Variants in KPTN observed in about 807,000 individuals in gnomAD.
KPTN encodes the protein KICSTOR complex protein kaptin.
KPTN carries 36 observed loss-of-function variants against 52.6 expected under a neutral mutation model. The observed-to-expected ratio is 0.68, with a 90% CI of 0.52 to 0.90. The LOEUF (loss-of-function observed/expected upper bound fraction) is 0.90. Among genes scored for constraint, KPTN ranks in the 40% least tolerant of loss-of-function variants. KPTN has a pLI of 0.00. For missense variants in KPTN, 529 were observed against 576.2 expected (o/e 0.92, Z 0.84); for synonymous variants, 271 against 248.4 (o/e 1.09, Z -0.85).
chr19:47,476,825 A>C lies in KPTN; in HGVS notation c.977T>G (p.Val326Gly). 6.3e-7 allele frequency: 1 copy of C among 1,584,600 alleles called. No homozygotes were observed. Among genetic ancestry groups the C allele is most frequent in the Non-Finnish European group, 8.6e-7 (1 of 1,165,260 alleles). The change falls in exon 10 of 12, where the codon GTC (valine) becomes GGC (glycine). Residue 326 changes from valine to glycine, a missense_variant. By Grantham distance (109) the Val-to-Gly change is moderately radical (BLOSUM62 -3). Transcript: ENST00000338134. ...TDVDLDGRPE[V>G]LVATYGQELL... The stretch of plus-strand genomic sequence containing the variant: ...CACCTGTCCATAGGTGGCCACCAGG[A>C]CTTCTGGCCGCCCATCCAAATCCAC...
upstream of KPTN, among the ~76,000 whole-genome samples, chr19:47,484,995 C>T (rs76305423): frequency 5.4e-3 from 824 of 152,180 alleles, 5 homozygotes; most frequent in Non-Finnish European, 9.4e-3. Flanking sequence ...CCCCCTTGCC[C>T]GGCCTATAGT....
At chr19:47,477,644 G>A in intron 9 of KPTN, 62 bp downstream of exon 9, 2 of 1,260,340 alleles carry the variant, frequency 1.6e-6, no homozygotes, top group Non-Finnish European at 2.3e-6. Context: ...AGAATGACAA[G>A]GTTAGACCAC....
rs745487744 is a variant in KPTN, at chr19:47,484,032, G to A, written c.129C>T (p.Ala43=). ...GGAGGRGELL[A]ATLKGKVLGF... ...CGAGCACCTTGCCTTTAAGGGTGGC[G>A]GCCAGCAGCTCCCCGCGCCCGCCGG... is the stretch of plus-strand genomic sequence containing the variant. Residue 43 remains alanine (A), a synonymous_variant, in exon 1 of 12, where the codon GCC becomes GCT. Transcript: ENST00000338134. The A allele has an allele frequency of 2.5e-6, 4 of 1,612,286 alleles. No homozygotes were observed. The highest frequency in any genetic ancestry group is 1.3e-5 in the African/African-American group (1 of 75,052).
At chr19:47,477,032 T>C in intron 9 of KPTN, 94 bp from the exon 10 acceptor site, 1 of 1,312,474 alleles carries the variant, frequency 7.6e-7, no homozygotes, top group Non-Finnish European at 1.0e-6. Flanking sequence ...ACTGCTTCCC[T>C]TCTCAGGCCT....
intron 11 of KPTN, 106 bp from the exon 12 acceptor site, chr19:47,475,650 C>A: frequency 7.4e-7 from 1 of 1,347,926 alleles, no homozygotes; most frequent in South Asian, 1.3e-5. Context: ...GCTCGGCCCA[C>A]GTGGGAGGGC....
intron 8 of KPTN, among the ~76,000 whole-genome samples, chr19:47,478,119 G>C (rs761039204): frequency 9.2e-5 from 14 of 151,962 alleles, no homozygotes; most frequent in Non-Finnish European, 1.9e-4. Flanking sequence ...TGTGGGGACA[G>C]GTTCCAGGCT....
At chr19:47,483,708 G>A (rs1183993441) in intron 1 of KPTN, 124 bp from the exon 2 acceptor site, 2 of 890,186 alleles carry the variant, frequency 2.2e-6, no homozygotes, top group Non-Finnish European at 3.5e-6. Flanking sequence ...ACCATCACCT[G>A]ATCTCTGTTC....
At chr19:47,477,671 G>A (rs1245987008) in intron 9 of KPTN, 35 bp downstream of exon 9, 24 of 1,537,826 alleles carry the variant, frequency 1.6e-5, no homozygotes, top group Non-Finnish European at 2.2e-5. Flanking sequence ...AAGAAAGAAG[G>A]TTAGACCACA....
At chr19:47,479,004 G>A (rs561220630) in intron 8 of KPTN, among the ~76,000 whole-genome samples, 1 of 152,286 alleles carries the variant, frequency 6.6e-6, no homozygotes, top group African/African-American at 2.4e-5. Context: ...ATTCATCCAT[G>A]CAACCAAAAC....
intron 7 of KPTN, 139 bp from the exon 8 acceptor site, chr19:47,480,079 C>A: frequency 1.6e-6 from 1 of 644,204 alleles, no homozygotes; most frequent in East Asian, 2.8e-5. Flanking sequence ...ACCCTAGCCC[C>A]GCCCCCAATC....
rs748696444 is a variant in KPTN at position 47,483,889 on chromosome 19, C to A, written c.226+46G>T. 28 of 1,608,576 alleles carry A rather than the reference C, an allele frequency of 1.7e-5. No homozygotes were observed. In the South Asian group the frequency reaches 3.0e-4, roughly 17 times the overall value. On this transcript the variant is annotated intron_variant, in intron 1 of 11. Coordinates refer to ENST00000338134, the MANE Select transcript of KPTN (RefSeq NM_007059.4). ...GACAGAGCCTCAGAAGCCTTCTCAA[C>A]ACCACGTTCCAGGCCCCCGCCCCCC...
Position 47,480,338 on chromosome 19 carries a change from ACT to A in KPTN, c.667_668del (p.Ser223TrpfsTer49). On this transcript the variant is annotated frameshift_variant, in exon 7 of 12. Coordinates refer to ENST00000338134, the MANE Select transcript of KPTN (RefSeq NM_007059.4). LOFTEE classifies it high-confidence loss of function. ...CCACGTGGGCGACACGGACATAACC[ACT>A]CTGACAGCCCAGAGCTGAGAGGCGC... ...SRRLSALGCQ[S>X]GYVRVAHVDQ... 1 of 1,536,868 alleles carries A rather than the reference ACT, an allele frequency of 6.5e-7. No individual in the cohort carries two copies. The highest frequency in any genetic ancestry group is 8.8e-7 in the Non-Finnish European group (1 of 1,140,318).
At position 47,480,862 on chromosome 19, in the gene KPTN, C is replaced by T. The variant is rs199781618; in HGVS notation, c.526-29G>A. On this transcript the variant is annotated intron_variant, in intron 5 of 11. Transcript: ENST00000338134. ...GGGAAACCAAGACCCACCCCACCCCCGCTTAAGTCAGCCGTCAGCTTCACA... is the reference window on the plus strand; with the variant it reads ...GGGAAACCAAGACCCACCCCACCCCTGCTTAAGTCAGCCGTCAGCTTCACA... The T allele has an allele frequency of 6.2e-6, 10 of 1,613,558 alleles. No homozygotes were observed. In the East Asian group the frequency reaches 8.9e-5, roughly 14 times the overall value.
At chr19:47,482,637 C>G (rs538145537) in intron 4 of KPTN, among the ~76,000 whole-genome samples, 1 of 152,298 alleles carries the variant, frequency 6.6e-6, no homozygotes, top group African/African-American at 2.4e-5. Context: ...TGTTATATTA[C>G]ATTTGTGCTT....
At chr19:47,483,888 A>G (rs74597191) in intron 1 of KPTN, 47 bp downstream of exon 1, 9 of 1,608,592 alleles carry the variant, frequency 5.6e-6, no homozygotes, top group South Asian at 3.3e-5. Context: ...AGCCTTCTCA[A>G]CACCACGTTC....
intron 1 of KPTN, 75 bp from the exon 2 acceptor site, chr19:47,483,659 C>T: frequency 8.7e-7 from 1 of 1,154,098 alleles, no homozygotes; most frequent in Non-Finnish European, 1.3e-6. Context: ...TGAGCTCTGG[C>T]TACCGCAATG....
rs1489170746 is a variant in KPTN, at chr19:47,477,753, C to G, written c.816G>C (p.Glu272Asp). Residue 272 changes from glutamate to aspartate, a missense_variant, in exon 9 of 12, where the codon GAG becomes GAC. Glu to Asp is a conservative substitution (Grantham distance 45). Coordinates refer to ENST00000338134, the MANE Select transcript of KPTN (RefSeq NM_007059.4). ...KETKDRPLQDEYSVLVASMLE... is the reference protein window; with the variant it reads ...KETKDRPLQDDYSVLVASMLE... ...ACATGCTGGCCACGAGCACGCTGTA[C>G]TCATCTTGTAGTGGCCTGTCCTTGG... is the stretch of plus-strand genomic sequence containing the variant. The G allele has an allele frequency of 6.2e-7, 1 of 1,613,794 alleles. No homozygotes were observed. Among genetic ancestry groups the G allele is most frequent in the South Asian group, 1.1e-5 (1 of 91,082 alleles).
chr19:47,476,473 C>T (rs1967668463), intron 11 of KPTN, 59 bp downstream of exon 11: 2 of 1,457,076 alleles, frequency 1.4e-6, no homozygotes, highest in East Asian at 2.4e-5. Flanking sequence ...AGGAGGCCTG[C>T]ACCCCCTGCT....
rs1967719791 is a variant in KPTN, at chr19:47,477,686, T to C, written c.863+20A>G. The C allele has an allele frequency of 8.2e-6, 13 of 1,592,376 alleles. No homozygotes were observed. Among genetic ancestry groups the C allele is most frequent in the Non-Finnish European group, 1.0e-5 (12 of 1,160,562 alleles). ...AAGAAAGAAGGTTAGACCACACCCATGTGTCTCAGGCCCCCTCACCGATAC... is the reference window on the plus strand; with the variant it reads ...AAGAAAGAAGGTTAGACCACACCCACGTGTCTCAGGCCCCCTCACCGATAC... On this transcript the variant is annotated intron_variant, in intron 9 of 11. Transcript: ENST00000338134.
Sources: gnomAD v4.1 joint callset for allele counts (sites outside exome capture counted in the v4.1 genomes callset) on GRCh38, gnomAD v4.1.1 for gene constraint, MANE v1.5 for transcripts, NCBI Gene and HGNC (gene_info 2026-07-23, HGNC 2026-07-21) for gene names.